Variants in C8orf88 observed in about 807,000 individuals in gnomAD.
The protein encoded by C8orf88 is uncharacterized protein C8orf88.
C8orf88 carries 14 observed loss-of-function variants against 18.4 expected under a neutral mutation model. The observed-to-expected ratio is 0.76, with a 90% CI of 0.50 to 1.19. The LOEUF (loss-of-function observed/expected upper bound fraction) is 1.19. Ranked by LOEUF, C8orf88 falls within the 50% of genes most tolerant of loss-of-function variation. The probability of loss-of-function intolerance (pLI) is 0.00; values close to 1 mark genes in which losing one functional copy is unlikely to be tolerated. For synonymous variants in C8orf88, 45 were observed against 42.9 expected (o/e 1.05, Z -0.19); for missense variants, 116 against 134.7 (o/e 0.86, Z 0.69).
At position 90,978,638 on chromosome 8, in the gene C8orf88, A is replaced by T. The variant is rs758155674; in HGVS notation, c.88T>A (p.Phe30Ile). 1 of 1,526,228 alleles carries T rather than the reference A, an allele frequency of 6.6e-7. No individual in the cohort carries two copies. 94.5% of individuals were successfully genotyped at this position (1,526,228 alleles called of 1,614,324 possible). A position where few individuals can be genotyped will look rare whatever the true frequency, so the allele number is the denominator to read the frequency against. Residue 30 changes from phenylalanine to isoleucine, a missense_variant, in exon 3 of 6, where the codon TTC becomes ATC. Phe to Ile is a conservative substitution (Grantham distance 21). Coordinates refer to ENST00000517562, the MANE Select transcript of C8orf88 (RefSeq NM_001190972.2). ...CATGGATATTCGTTTTGAAAGTTGA[A>T]AGGGAACACTGCTCCTGTTAGGAGA... ...LTSPPGAVFPFNFQNEYPCNT... is the reference protein window; with the variant it reads ...LTSPPGAVFPINFQNEYPCNT...
intron 4 of C8orf88, among the ~76,000 whole-genome samples, chr8:90,969,636 G>T (rs779073567): frequency 4.6e-5 from 7 of 151,910 alleles, no homozygotes; most frequent in Non-Finnish European, 8.8e-5. Context: ...GGCCTAAGCA[G>T]AGAGAAGAGA....
At chr8:90,982,821 T>C (rs986358116) in intron 1 of C8orf88, among the ~76,000 whole-genome samples, 1 of 152,060 alleles carries the variant, frequency 6.6e-6, no homozygotes, top group Non-Finnish European at 1.5e-5. Context: ...GGGGACAAGT[T>C]TGGGATTACA....
At chr8:90,959,257 C>A in intron 5 of C8orf88, 1 of 262,334 alleles carries the variant, frequency 3.8e-6, no homozygotes, top group Non-Finnish European at 7.1e-6. Context: ...CAAACCTGTT[C>A]TTCTGTTTCT....
chr8:90,973,486 T>A (rs1811309900), intron 3 of C8orf88, among the ~76,000 whole-genome samples: 1 of 152,132 alleles, frequency 6.6e-6, no homozygotes, highest in African/African-American at 2.4e-5. Flanking sequence ...CTATTTAGAC[T>A]TTTTGTATTT....
intron 4 of C8orf88, among the ~76,000 whole-genome samples, chr8:90,966,882 A>G (rs1212274024): frequency 6.6e-6 from 1 of 151,936 alleles, no homozygotes; most frequent in African/African-American, 2.4e-5. Context: ...GCATCATGAG[A>G]AAAGTACAGT....
At chr8:90,973,174 A>G (rs935992133) in intron 3 of C8orf88, among the ~76,000 whole-genome samples, 1 of 152,156 alleles carries the variant, frequency 6.6e-6, no homozygotes, top group Non-Finnish European at 1.5e-5. Flanking sequence ...CAATAAAAGG[A>G]CTGAGTCAGG....
chr8:90,966,264 AAC>A (rs1349365168), intron 4 of C8orf88, among the ~76,000 whole-genome samples: 2 of 149,794 alleles, frequency 1.3e-5, no homozygotes, highest in Non-Finnish European at 3.0e-5. Flanking sequence ...TAAAAAACCA[AAC>A]ACTGCATATT....
rs1221643421 is a variant in C8orf88, at chr8:90,977,487, T to A, written c.147+1092A>T. Among the ~76,000 whole-genome samples the A allele has an allele frequency of 2.0e-5, 3 of 152,104 alleles. No individual in the cohort carries two copies. The East Asian group carries it at 5.8e-4, about 29-fold the overall frequency. On this transcript the variant is annotated intron_variant, in intron 3 of 5. Coordinates refer to ENST00000517562, the MANE Select transcript of C8orf88 (RefSeq NM_001190972.2). The stretch of plus-strand genomic sequence containing the variant: ...ATTATAATATAGAAACAAGCGCCCA[T>A]CAACAGAAAATGGAAAAAAAAATGT...
chr8:90,961,649 T>C (rs749017974), intron 4 of C8orf88, among the ~76,000 whole-genome samples: 1 of 151,370 alleles, frequency 6.6e-6, no homozygotes, highest in African/African-American at 2.4e-5. Flanking sequence ...AGATGGAAAC[T>C]TTACTGTTCA....
intron 4 of C8orf88, among the ~76,000 whole-genome samples, chr8:90,961,462 T>C (rs1036012838): frequency 1.3e-5 from 2 of 150,676 alleles, no homozygotes; most frequent in African/African-American, 4.9e-5. Flanking sequence ...TTTAATGTGC[T>C]AAAAGAAAAG....
intron 4 of C8orf88, among the ~76,000 whole-genome samples, chr8:90,966,787 T>G (rs950124228): frequency 6.6e-6 from 1 of 151,884 alleles, no homozygotes; most frequent in Admixed American, 6.6e-5. Context: ...TGGAGTTATA[T>G]CCTAATAAAC....
intron 1 of C8orf88, among the ~76,000 whole-genome samples, chr8:90,983,054 T>C (rs986326987): frequency 6.6e-6 from 1 of 152,084 alleles, no homozygotes; most frequent in African/African-American, 2.4e-5. Flanking sequence ...GCTTCATCCA[T>C]GGAATGTAGA....
chr8:90,968,909 C>A (rs1373570794), intron 4 of C8orf88, among the ~76,000 whole-genome samples: 1 of 150,994 alleles, frequency 6.6e-6, no homozygotes, highest in Non-Finnish European at 1.5e-5. Context: ...AAATGCAAAT[C>A]AAAACCACAA....
chr8:90,962,040 A>G (rs1317257015), intron 4 of C8orf88, among the ~76,000 whole-genome samples: 2 of 151,634 alleles, frequency 1.3e-5, no homozygotes, highest in Non-Finnish European at 3.0e-5. Flanking sequence ...TTGAATTACT[A>G]TCCTTACATC....
chr8:90,959,144 G>A (rs943182662), intron 5 of C8orf88, 114 bp from the exon 6 acceptor site: 69 of 496,360 alleles, frequency 1.4e-4, no homozygotes, highest in Non-Finnish European at 2.2e-4. Flanking sequence ...TTAAATGCAT[G>A]TTACCATAGA....
intron 3 of C8orf88, among the ~76,000 whole-genome samples, chr8:90,978,097 CTT>C (rs1379768658): frequency 6.6e-6 from 1 of 152,104 alleles, no homozygotes. Context: ...TGGAGGGAAA[CTT>C]TTCAATAAAT....
chr8:90,980,643 A>G (rs917701268), intron 1 of C8orf88, among the ~76,000 whole-genome samples, 182 bp from the exon 2 acceptor site: 5 of 152,162 alleles, frequency 3.3e-5, no homozygotes, highest in African/African-American at 1.2e-4. Flanking sequence ...TGTCACAGTT[A>G]AACATTCCCT....
In C8orf88 at chr8:90,972,531, C is replaced by T. The variant is rs543864776; in HGVS notation, c.148-1390G>A. 2.0e-5 allele frequency among the ~76,000 whole-genome samples: 3 copies of T among 151,978 alleles called. No individual in the cohort carries two copies. The South Asian group carries it at 6.2e-4, about 32-fold the overall frequency. On this transcript the variant is annotated intron_variant, in intron 3 of 5. Transcript: ENST00000517562. ...AATCAAACTTGAAGGTAAAATTGTA[C>T]CTTGTCATGTCTGTACATATTAAAA...
chr8:90,960,272 T>C (rs1479418402), intron 5 of C8orf88, among the ~76,000 whole-genome samples: 1 of 151,532 alleles, frequency 6.6e-6, no homozygotes, highest in Non-Finnish European at 1.5e-5. Context: ...TGATTTGTTA[T>C]AATGTATAAA....
Sources: gnomAD v4.1 joint callset for allele counts (sites outside exome capture counted in the v4.1 genomes callset) on GRCh38, gnomAD v4.1.1 for gene constraint, MANE v1.5 for transcripts, NCBI Gene and HGNC (gene_info 2026-07-23, HGNC 2026-07-21) for gene names.